ALDH1L2: variants seen among roughly 807,000 people sequenced by gnomAD.
ALDH1L2 encodes aldehyde dehydrogenase 1 family member L2.
In ALDH1L2, 91 loss-of-function variants were observed where a neutral mutation model predicts 111.0. The ratio of observed to expected loss-of-function variants is 0.82; its 90% CI spans 0.69 to 0.98. ALDH1L2 has a LOEUF of 0.98. Among genes scored for constraint, ALDH1L2 ranks in the 50% least tolerant of loss-of-function variants. ALDH1L2 has a pLI of 0.00. For synonymous variants in ALDH1L2, 374 were observed against 392.6 expected (o/e 0.95, Z 0.56); for missense variants, 995 against 1,126.8 (o/e 0.88, Z 1.67).
At chr12:105,073,798 T>C in intron 2 of ALDH1L2, 63 bp downstream of exon 2, 1 of 1,602,074 alleles carries the variant, frequency 6.2e-7, no homozygotes, top group Non-Finnish European at 8.5e-7. Flanking sequence ...GACCATGAGA[T>C]GGAAGTCCAG....
At position 105,048,585 on chromosome 12, in the gene ALDH1L2, T is replaced by C. The variant is rs371944402; in HGVS notation, c.1686+1323A>G. 15 of 152,314 alleles carry C rather than the reference T, an allele frequency of 9.8e-5. No homozygotes were observed. In the East Asian group the frequency reaches 2.7e-3, roughly 27 times the overall value. The allele number at this position is 152,314 out of a possible 1,614,324, so 9.4% of individuals were successfully genotyped here. The stretch of plus-strand genomic sequence containing the variant: ...CTATGAGGAACATGCATACTGCAGT[T>C]TGCTACAAGCCCTACATCTCCCTTT... On this transcript the variant is annotated intron_variant, in intron 13 of 22. Coordinates refer to ENST00000258494, the MANE Select transcript of ALDH1L2 (RefSeq NM_001034173.4).
intron 19 of ALDH1L2, among the ~76,000 whole-genome samples, chr12:105,033,639 T>C (rs943448998): frequency 6.6e-6 from 1 of 152,216 alleles, no homozygotes; most frequent in African/African-American, 2.4e-5. Context: ...TAGTATAAGT[T>C]AGAGTTTATT....
intron 10 of ALDH1L2, among the ~76,000 whole-genome samples, chr12:105,053,506 AG>A (rs1876424894): frequency 6.6e-6 from 1 of 152,316 alleles, no homozygotes; most frequent in East Asian, 1.9e-4. Context: ...GCCTTCATGC[AG>A]TTACTGTGAG....
At position 105,070,578 on chromosome 12, in the gene ALDH1L2, A is replaced by G. The variant is rs558638255; in HGVS notation, c.420T>C (p.Ala140=). 4.4e-5 allele frequency: 71 copies of G among 1,606,698 alleles called. No homozygotes were observed. The South Asian group carries it at 5.0e-4, about 11-fold the overall frequency. ...AAAAGAAAAAATCTCACCAATTGAT[A>G]GCAGAGGCTCCTCTGTGCCTGGGCA... The part of the protein sequence containing the change: ...SILPRHRGAS[A]INWTLIMGDK... Residue 140 remains alanine (A), a synonymous_variant, in exon 3 of 23, where the codon GCT becomes GCC. Transcript: ENST00000258494.
chr12:105,076,028 T>G (rs1277319482), intron 1 of ALDH1L2, among the ~76,000 whole-genome samples: 1 of 152,170 alleles, frequency 6.6e-6, no homozygotes, highest in Non-Finnish European at 1.5e-5. Flanking sequence ...TCAGGTGATC[T>G]ACCTGCCTTG....
chr12:105,083,358 A>G (rs111519495), intron 1 of ALDH1L2, among the ~76,000 whole-genome samples: 48 of 148,872 alleles, frequency 3.2e-4, no homozygotes, highest in African/African-American at 1.1e-3. Context: ...AAAGGTGACT[A>G]TACCTCAAAG....
At chr12:105,073,785 T>C in intron 2 of ALDH1L2, 76 bp downstream of exon 2, 2 of 1,592,606 alleles carry the variant, frequency 1.3e-6, no homozygotes, top group Non-Finnish European at 1.7e-6. Context: ...GGCAGCTACC[T>C]TGGACCATGA....
At position 105,035,569 on chromosome 12, in the gene ALDH1L2, C is replaced by T. The variant is rs544978959; in HGVS notation, c.2146-1171G>A. Among the ~76,000 whole-genome samples the T allele has an allele frequency of 5.9e-5, 9 of 152,198 alleles. No individual in the cohort carries two copies. In the South Asian group the frequency reaches 1.5e-3, roughly 25 times the overall value. Reference sequence around the variant, plus strand: ...CAAGGCTCAAGCGATCCTTCTACCTCGACCTCCCAAAGTGCTGAGATTATA... The same window carrying T: ...CAAGGCTCAAGCGATCCTTCTACCTTGACCTCCCAAAGTGCTGAGATTATA... On this transcript the variant is annotated intron_variant, in intron 18 of 22. Coordinates refer to ENST00000258494, the MANE Select transcript of ALDH1L2 (RefSeq NM_001034173.4).
intron 18 of ALDH1L2, among the ~76,000 whole-genome samples, chr12:105,036,981 A>G (rs751382079): frequency 3.9e-5 from 6 of 152,018 alleles, no homozygotes; most frequent in African/African-American, 9.7e-5. Flanking sequence ...AGACCACTCC[A>G]TTCTCTTTGG....
At chr12:105,049,287 A>G (rs1361604352) in intron 13 of ALDH1L2, among the ~76,000 whole-genome samples, 1 of 152,176 alleles carries the variant, frequency 6.6e-6, no homozygotes, top group Non-Finnish European at 1.5e-5. Context: ...TTGACTTCAA[A>G]TCTGGTCGTA....
chr12:105,066,829 C>T (rs1565969368), intron 4 of ALDH1L2, among the ~76,000 whole-genome samples, 160 bp from the exon 5 acceptor site: 1 of 152,182 alleles, frequency 6.6e-6, no homozygotes, highest in Non-Finnish European at 1.5e-5. Context: ...TCCTGACAAG[C>T]AGTGTGGTAG....
chr12:105,039,799 T>C lies in ALDH1L2; in HGVS notation c.1959A>G (p.Ile653Met), dbSNP rs1592772712. 6.2e-7 allele frequency: 1 copy of C among 1,613,982 alleles called. No individual in the cohort carries two copies. The highest frequency in any genetic ancestry group is 8.5e-7 in the Non-Finnish European group (1 of 1,179,896). ...GATGTTCAGACAGACGTTGTCCTGC[T>C]ATGCCACCTGTAGAATTAGGGAATA... ...VINIIPGSGG[I>M]AGQRLSEHPD... is the part of the protein sequence containing the mutation. The change falls in exon 17 of 23, where the codon ATA (isoleucine) becomes ATG (methionine). Residue 653 changes from isoleucine (I) to methionine (M), a missense_variant. Ile to Met is a conservative substitution (Grantham distance 10, BLOSUM62 1). Transcript: ENST00000258494.
rs765799038 is a variant in ALDH1L2 at position 105,024,397 on chromosome 12, C to A, written c.*27G>T. The A allele has an allele frequency of 1.2e-5, 19 of 1,613,162 alleles. No individual in the cohort carries two copies. The highest frequency in any genetic ancestry group is 1.6e-5 in the Non-Finnish European group (19 of 1,179,352). On this transcript the variant is annotated 3_prime_UTR_variant, in exon 23 of 23. Transcript: ENST00000258494. ...TCCAGAGTTGTAAAGGGCTGTCTGT[C>A]AAGGCTTTCCTGATGATGGTGTTGC... is the stretch of plus-strand genomic sequence containing the variant.
chr12:105,080,913 C>T (rs1878307157), intron 1 of ALDH1L2, among the ~76,000 whole-genome samples: 1 of 152,148 alleles, frequency 6.6e-6, no homozygotes, highest in African/African-American at 2.4e-5. Context: ...GGTTCTGTAT[C>T]CGTGGATTCA....
At position 105,021,879 on chromosome 12, in the gene ALDH1L2, CTT is replaced by C; in HGVS notation, c.*2543_*2544del. The stretch of plus-strand genomic sequence containing the variant: ...CAAGTGGGAACGCTGAGGAGAAACA[CTT>C]AGCCCAGCTAGGGTAGGAAGGTCCA... On this transcript the variant is annotated 3_prime_UTR_variant, in exon 23 of 23. Coordinates refer to ENST00000258494, the MANE Select transcript of ALDH1L2 (RefSeq NM_001034173.4). The C allele has an allele frequency of 6.6e-6, 1 of 152,136 alleles. No homozygotes were observed. The highest frequency in any genetic ancestry group is 6.6e-5 in the Admixed American group (1 of 15,266). The allele number at this position is 152,136 out of a possible 1,614,324, so 9.4% of individuals were successfully genotyped here. A position where few individuals can be genotyped will look rare whatever the true frequency, so the allele number is the denominator to read the frequency against.
At position 105,046,752 on chromosome 12, in the gene ALDH1L2, CG is replaced by C; in HGVS notation, c.1820del (p.Ala607GlyfsTer9). On this transcript the variant is annotated frameshift_variant, in exon 15 of 23. Transcript: ENST00000258494. LOFTEE classifies it high-confidence loss of function. ...PLMMLAWKSA[A>X]CLAAGNTLVL... ...CTAAGGTATTGCCTGCTGCCAAACA[CG>C]CAGCACTCTTCCATGCCAGCATCAT... 6.2e-7 allele frequency: 1 copy of C among 1,614,150 alleles called. No homozygotes were observed. The highest frequency in any genetic ancestry group is 8.5e-7 in the Non-Finnish European group (1 of 1,180,026).
chr12:105,084,257 A>G (rs1878479898), intron 1 of ALDH1L2, 132 bp downstream of exon 1: 2 of 1,071,048 alleles, frequency 1.9e-6, no homozygotes, highest in Non-Finnish European at 1.3e-6. Flanking sequence ...TTTGTTTTAA[A>G]CGCTGTCTTG....
rs1565952337 is a variant in ALDH1L2, at chr12:105,036,545, TATATATATATATATATATATAA to T, written c.2145+1536_2145+1557del. On this transcript the variant is annotated intron_variant, in intron 18 of 22. Coordinates refer to ENST00000258494, the MANE Select transcript of ALDH1L2 (RefSeq NM_001034173.4). ...ATATATATATATATATATATATATA[TATATATATATATATATATATAA>T]AATGGATGTGGCTGGGTGCAGTGGC... 2.3e-3 allele frequency among the ~76,000 whole-genome samples: 98 copies of T among 41,734 alleles called. 4 individuals are homozygous for T. The highest frequency in any genetic ancestry group is 0.015 in the African/African-American group (88 of 5,980). 27.4% of individuals were successfully genotyped at this position (41,734 alleles called of 152,430 possible).
intron 16 of ALDH1L2, among the ~76,000 whole-genome samples, chr12:105,040,300 C>G (rs546183368): frequency 6.6e-6 from 1 of 152,036 alleles, no homozygotes; most frequent in Admixed American, 6.5e-5. Flanking sequence ...TTATCAGACT[C>G]CCAAAATAAT....
Sources: gnomAD v4.1 joint callset for allele counts (sites outside exome capture counted in the v4.1 genomes callset) on GRCh38, gnomAD v4.1.1 for gene constraint, MANE v1.5 for transcripts, NCBI Gene and HGNC (gene_info 2026-07-23, HGNC 2026-07-21) for gene names.